NAV2: variants seen among roughly 807,000 people sequenced by gnomAD.
NAV2 encodes helicase, APC down-regulated 1.
NAV2 carries 54 observed loss-of-function variants against 223.2 expected under a neutral mutation model. The ratio of observed to expected loss-of-function variants is 0.24; its 90% CI spans 0.19 to 0.30. The LOEUF is 0.30. Ranked by LOEUF, NAV2 falls within the 10% of genes least tolerant of loss-of-function variation. The probability of loss-of-function intolerance (pLI) is 1.00; values close to 1 mark genes in which losing one functional copy is unlikely to be tolerated. For synonymous variants in NAV2, 1,279 were observed against 1,239.3 expected, an observed-to-expected ratio of 1.03 and a Z score of -0.67; for missense variants, 2,806 against 3,147.5, an observed-to-expected ratio of 0.89 and a Z score of 2.60.
chr11:19,530,675 G>A lies in NAV2; in HGVS notation c.75+179648G>A, dbSNP rs145133429. ...GTTTTGTGACAAGCTCCAGAGCTCCGTGGCTAAATGTAGAGGTTGGAACAA... is the reference window on the plus strand; with the variant it reads ...GTTTTGTGACAAGCTCCAGAGCTCCATGGCTAAATGTAGAGGTTGGAACAA... On this transcript the variant is annotated intron_variant, in intron 1 of 37. Transcript: ENST00000360655. Among the ~76,000 whole-genome samples the A allele has an allele frequency of 6.3e-3, 965 of 152,308 alleles. 14 individuals carry two copies. Among genetic ancestry groups the A allele is most frequent in the African/African-American group, 0.022 (903 of 41,558 alleles).
intron 1 of NAV2, among the ~76,000 whole-genome samples, chr11:19,644,778 T>A (rs1262017547): frequency 1.3e-5 from 2 of 152,166 alleles, no homozygotes; most frequent in Admixed American, 1.3e-4. Flanking sequence ...AGATGAGATC[T>A]GAAAATCAGG....
intron 1 of NAV2, among the ~76,000 whole-genome samples, chr11:19,428,430 G>T (rs532243296): frequency 6.6e-6 from 1 of 152,144 alleles, no homozygotes; most frequent in Non-Finnish European, 1.5e-5. Flanking sequence ...GCTCCTTGAC[G>T]CATTCAAGCT....
At chr11:19,355,995 A>G (rs999396944) in intron 1 of NAV2, among the ~76,000 whole-genome samples, 1 of 152,208 alleles carries the variant, frequency 6.6e-6, no homozygotes, top group African/African-American at 2.4e-5. Flanking sequence ...ATGAGCTGAA[A>G]TGCTTGTTTC....
At chr11:19,552,752 G>A (rs190949768) in intron 1 of NAV2, among the ~76,000 whole-genome samples, 138 of 152,276 alleles carry the variant, frequency 9.1e-4, no homozygotes, top group Non-Finnish European at 1.4e-3. Context: ...GCATTCATTG[G>A]CCAGCGTGCT....
chr11:20,107,414 T>C (rs963268926), intron 35 of NAV2: 19 of 511,918 alleles, frequency 3.7e-5, no homozygotes, highest in Non-Finnish European at 5.9e-5. Flanking sequence ...AGATTAGTGA[T>C]GCCACAGTGA....
At chr11:20,094,223 C>CTTTT (rs61099684) in intron 29 of NAV2, among the ~76,000 whole-genome samples, 59 of 88,472 alleles carry the variant, frequency 6.7e-4, no homozygotes, top group Admixed American at 1.0e-3. Flanking sequence ...TTTTCTTTAT[C>CTTTT]TTTTTTTTTT....
chr11:19,840,119 C>T (rs2060431443), intron 2 of NAV2, among the ~76,000 whole-genome samples: 2 of 152,286 alleles, frequency 1.3e-5, no homozygotes, highest in South Asian at 4.2e-4. Flanking sequence ...AAACTGGAAA[C>T]TAGGAGGCCC....
intron 11 of NAV2, among the ~76,000 whole-genome samples, chr11:19,985,617 C>T (rs2050725433): frequency 6.6e-6 from 1 of 151,826 alleles, no homozygotes. Flanking sequence ...CACTCTGTCA[C>T]CCAGGCTGGA....
intron 8 of NAV2, among the ~76,000 whole-genome samples, chr11:19,943,674 C>T (rs544588218): frequency 1.1e-4 from 17 of 152,122 alleles, no homozygotes; most frequent in Non-Finnish European, 2.2e-4. Flanking sequence ...ATTCTACTTG[C>T]TGCTGCTTGA....
intron 1 of NAV2, among the ~76,000 whole-genome samples, chr11:19,507,814 C>A (rs1209934805): frequency 6.6e-6 from 1 of 152,092 alleles, no homozygotes; most frequent in African/African-American, 2.4e-5. Flanking sequence ...TATAACAACC[C>A]TATCAGTGAG....
chr11:19,659,910 G>T (rs141052844), intron 1 of NAV2, among the ~76,000 whole-genome samples: 23 of 152,206 alleles, frequency 1.5e-4, no homozygotes, highest in Non-Finnish European at 2.9e-4. Flanking sequence ...TCTATGGAGT[G>T]CTTAGCATAA....
chr11:20,079,913 T>C (rs926284161), intron 24 of NAV2, 151 bp from the exon 25 acceptor site: 8 of 745,812 alleles, frequency 1.1e-5, no homozygotes, highest in Non-Finnish European at 1.7e-5. Flanking sequence ...TTCAAGGATC[T>C]TAGAAACAGC....
chr11:20,045,386 G>C lies in NAV2; in HGVS notation c.3618G>C (p.Gly1206=). 1 of 1,614,172 alleles carries C rather than the reference G, an allele frequency of 6.2e-7. No individual in the cohort carries two copies. ...AGTCCAACAGCCGGAACGGGGCTGG[G>C]AACAGGTCTAGCACCAGCAGCATAG... ...PSKSNSRNGA[G]NRSSTSSIDS... The change falls in exon 14 of 38, where the codon GGG becomes GGC. Residue 1206 remains glycine (G), a synonymous_variant. Transcript: ENST00000349880.
At position 19,920,433 on chromosome 11, in the gene NAV2, G is replaced by A. The variant is rs148278724; in HGVS notation, c.932-12743G>A. Among the ~76,000 whole-genome samples, 1,371 of 152,080 alleles carry A rather than the reference G, an allele frequency of 9.0e-3. 9 individuals carry two copies. The highest frequency in any genetic ancestry group is 0.012 in the African/African-American group (512 of 41,494). ...CTCCCGAGTAGCTGGGATTACAGGCGTGTGCCACCACGCCCAGCTAATTTT... is the reference window on the plus strand; with the variant it reads ...CTCCCGAGTAGCTGGGATTACAGGCATGTGCCACCACGCCCAGCTAATTTT... On this transcript the variant is annotated intron_variant, in intron 6 of 37. Coordinates refer to ENST00000349880, the MANE Select transcript of NAV2 (RefSeq NM_145117.5).
intron 5 of NAV2, among the ~76,000 whole-genome samples, chr11:19,881,847 A>T (rs945314935): frequency 7.2e-5 from 11 of 152,216 alleles, no homozygotes; most frequent in Admixed American, 5.2e-4. Flanking sequence ...CTCTCAGGAC[A>T]TGAAGGGTAA....
At chr11:19,502,067 C>T (rs2042980422) in intron 1 of NAV2, among the ~76,000 whole-genome samples, 1 of 152,154 alleles carries the variant, frequency 6.6e-6, no homozygotes, top group African/African-American at 2.4e-5. Flanking sequence ...CACTGAGCCA[C>T]ACATAGTGGC....
In NAV2 at chr11:19,453,184, G is replaced by T. The variant is rs1441828683; in HGVS notation, c.75+102157G>T. On this transcript the variant is annotated intron_variant, in intron 1 of 37. Coordinates refer to the NAV2 transcript ENST00000360655. Reference sequence around the variant, plus strand: ...AGTTCCCCTCTCAATTTAGACAGCAGACACCTCGTGTTTTTTGTGCCCTGT... The same window carrying T: ...AGTTCCCCTCTCAATTTAGACAGCATACACCTCGTGTTTTTTGTGCCCTGT... Among the ~76,000 whole-genome samples the T allele has an allele frequency of 2.6e-5, 4 of 152,214 alleles. No individual in the cohort carries two copies. In the East Asian group the frequency reaches 5.8e-4, roughly 22 times the overall value.
chr11:19,713,797 C>G lies in NAV2; in HGVS notation c.102C>G (p.Pro34=). The part of the protein sequence containing the change: ...ILHVPPARAG[P]QPCYLKLGSK... ...ACGTGCCCCCGGCCCGGGCGGGCCC[C>G]CAGCCCTGCTACCTGAAGTTGGGAA... Residue 34 remains proline (P), a synonymous_variant, in exon 1 of 38, where the codon CCC becomes CCG. Coordinates refer to ENST00000349880, the MANE Select transcript of NAV2 (RefSeq NM_145117.5). This position sits in a 1 kb window ranked among gnomAD's most constrained non-coding sequence, Gnocchi z 7.2. 6.2e-7 allele frequency: 1 copy of G among 1,613,026 alleles called. No individual in the cohort carries two copies.
intron 4 of NAV2, among the ~76,000 whole-genome samples, chr11:19,876,888 CTTATTTAT>C (rs1287467328): frequency 6.7e-6 from 1 of 148,494 alleles, no homozygotes; most frequent in African/African-American, 2.5e-5. Flanking sequence ...TAGGATTTTA[CTTATTTAT>C]TTATTTATTT....
Sources: gnomAD v4.1 joint callset for allele counts (sites outside exome capture counted in the v4.1 genomes callset) on GRCh38, gnomAD v4.1.1 for gene constraint, Gnocchi (gnomAD v3.1) non-coding constraint, MANE v1.5 for transcripts, NCBI Gene and HGNC (gene_info 2026-07-23, HGNC 2026-07-21) for gene names.